RORB: variants seen among roughly 807,000 people sequenced by gnomAD.
RORB encodes RAR related orphan receptor B.
In RORB, 6 loss-of-function variants were observed where a neutral mutation model predicts 59.1. The observed-to-expected ratio is 0.10, with a 90% CI of 0.06 to 0.20. The LOEUF (loss-of-function observed/expected upper bound fraction) is 0.20. Ranked by LOEUF, RORB falls within the 10% of genes least tolerant of loss-of-function variation. The pLI is 1.00. For missense variants in RORB, 320 were observed against 560.5 expected (o/e 0.57, Z 4.33); for synonymous variants, 215 against 204.5 (o/e 1.05, Z -0.44).
chr9:74,624,706 T>C (rs1750411208), intron 1 of RORB, among the ~76,000 whole-genome samples: 1 of 152,074 alleles, frequency 6.6e-6, no homozygotes, highest in Admixed American at 6.6e-5. Flanking sequence ...AGGGAAAGAG[T>C]ACAAACAGAG....
chr9:74,509,044 A>G (rs1825902336), intron 1 of RORB, among the ~76,000 whole-genome samples: 1 of 152,032 alleles, frequency 6.6e-6, no homozygotes, highest in South Asian at 2.1e-4. Flanking sequence ...GGCCCTTAAG[A>G]TAAAACTTGT....
intron 1 of RORB, among the ~76,000 whole-genome samples, chr9:74,518,573 C>A (rs1826041972): frequency 6.6e-6 from 1 of 151,944 alleles, no homozygotes; most frequent in Non-Finnish European, 1.5e-5. Context: ...CCTCTTTGCC[C>A]CGCCACGATC....
rs575891868 is a variant in RORB, at chr9:74,622,253, A to G, written c.8-8029A>G. On this transcript the variant is annotated intron_variant, in intron 1 of 9. Coordinates refer to ENST00000376896, the MANE Select transcript of RORB (RefSeq NM_006914.4). ...GCTAGAGAAAGGGGTTTAGAAAAAA[A>G]ATAAGGAACTAAAGAGAGACGAGTT... is the stretch of plus-strand genomic sequence containing the variant. Among the ~76,000 whole-genome samples the G allele has an allele frequency of 7.2e-5, 11 of 152,296 alleles. No individual in the cohort carries two copies. In the South Asian group the frequency reaches 2.3e-3, roughly 32 times the overall value.
At chr9:74,642,847 T>C (rs1186747235) in intron 4 of RORB, 32 bp downstream of exon 4, 1 of 1,521,448 alleles carries the variant, frequency 6.6e-7, no homozygotes, top group Non-Finnish European at 8.9e-7. Context: ...GTGGCTTTTT[T>C]TGAGATTTTG....
intron 1 of RORB, among the ~76,000 whole-genome samples, chr9:74,608,993 A>T (rs1823191275): frequency 6.6e-6 from 1 of 152,238 alleles, no homozygotes; most frequent in Admixed American, 6.5e-5. Flanking sequence ...TTCACTGCTT[A>T]TTCATCAATT....
chr9:74,655,983 A>C (rs1174749241), intron 4 of RORB, among the ~76,000 whole-genome samples: 1 of 152,244 alleles, frequency 6.6e-6, no homozygotes. Flanking sequence ...AATAAGTCTT[A>C]TTTATAAAAG....
At chr9:74,621,325 G>T (rs976037436) in intron 1 of RORB, among the ~76,000 whole-genome samples, 1 of 151,874 alleles carries the variant, frequency 6.6e-6, no homozygotes, top group Non-Finnish European at 1.5e-5. Context: ...TTGTAGTTTT[G>T]CCCTTTGAAA....
chr9:74,572,238 T>G (rs1470624791), intron 1 of RORB, among the ~76,000 whole-genome samples: 1 of 152,078 alleles, frequency 6.6e-6, no homozygotes, highest in African/African-American at 2.4e-5. Context: ...TATAGACAAT[T>G]TTCACTGGTT....
intron 7 of RORB, among the ~76,000 whole-genome samples, chr9:74,665,823 AC>A (rs1348548512): frequency 6.6e-6 from 1 of 152,158 alleles, no homozygotes; most frequent in East Asian, 1.9e-4. Flanking sequence ...CCTGAGAACA[AC>A]CCTATTGAGA....
intron 1 of RORB, among the ~76,000 whole-genome samples, chr9:74,603,850 G>C (rs1162365079): frequency 6.6e-6 from 1 of 152,196 alleles, no homozygotes. Context: ...ACTAGAAAGT[G>C]ATAATGGGTG....
chr9:74,682,257 G>A (rs1824558881), intron 9 of RORB, among the ~76,000 whole-genome samples: 1 of 133,358 alleles, frequency 7.5e-6, no homozygotes, highest in African/African-American at 2.8e-5. Context: ...CCCTTCCTGT[G>A]TCCATGTGTT....
intron 1 of RORB, among the ~76,000 whole-genome samples, chr9:74,552,367 T>G (rs1826624858): frequency 6.6e-6 from 1 of 152,156 alleles, no homozygotes; most frequent in South Asian, 2.1e-4. Flanking sequence ...AACCTGAGTT[T>G]GAATCCTGGC....
rs1823823555 is a variant in RORB, at chr9:74,642,394, T to C, written c.236-20T>C. On this transcript the variant is annotated intron_variant, in intron 3 of 9. Transcript: ENST00000376896. ...AATGATAACCACAAGTGCTGTTTTC[T>C]GCTTTTCTCTCCAACCCAGCTGTGA... 6.3e-7 allele frequency: 1 copy of C among 1,587,350 alleles called. No homozygotes were observed. The highest frequency in any genetic ancestry group is 1.8e-5 in the Admixed American group (1 of 57,040).
chr9:74,497,822 G>T lies in RORB; in HGVS notation c.-155G>T. ...CGGCGGCGGCGGCAAACGTCACCCT[G>T]CAGCCACGGCGTCCGCCTAAAGGGA... On this transcript the variant is annotated 5_prime_UTR_variant, in exon 1 of 10. Transcript: ENST00000376896. 3.7e-6 allele frequency: 3 copies of T among 804,026 alleles called. No individual in the cohort carries two copies. In the South Asian group the frequency reaches 5.1e-5, roughly 14 times the overall value. 49.8% of individuals were successfully genotyped at this position (804,026 alleles called of 1,614,324 possible). A position where few individuals can be genotyped will look rare whatever the true frequency, so the allele number is the denominator to read the frequency against.
chr9:74,619,105 G>T (rs1823364111), intron 1 of RORB, among the ~76,000 whole-genome samples: 1 of 152,112 alleles, frequency 6.6e-6, no homozygotes, highest in African/African-American at 2.4e-5. Flanking sequence ...CATTAACTAA[G>T]TCTCCAAAAT....
intron 1 of RORB, among the ~76,000 whole-genome samples, chr9:74,626,608 C>T (rs1389789034): frequency 6.6e-6 from 1 of 152,138 alleles, no homozygotes. Flanking sequence ...ATACAAAGGT[C>T]AAACTCTTTC....
At chr9:74,553,936 A>G (rs1826651220) in intron 1 of RORB, among the ~76,000 whole-genome samples, 1 of 152,168 alleles carries the variant, frequency 6.6e-6, no homozygotes. Context: ...GAAATCATCT[A>G]ATTCAACAGT....
At chr9:74,547,197 G>A (rs950637738) in intron 1 of RORB, among the ~76,000 whole-genome samples, 1 of 152,124 alleles carries the variant, frequency 6.6e-6, no homozygotes, top group African/African-American at 2.4e-5. Context: ...AAGAAAATAT[G>A]TATGAGAGAG....
chr9:74,518,969 C>T (rs1321855487), intron 1 of RORB, among the ~76,000 whole-genome samples: 3 of 151,864 alleles, frequency 2.0e-5, no homozygotes, highest in Non-Finnish European at 4.4e-5. Flanking sequence ...TTCATTAGAA[C>T]TATAGTAAGG....
Sources: gnomAD v4.1 joint callset for allele counts (sites outside exome capture counted in the v4.1 genomes callset) on GRCh38, gnomAD v4.1.1 for gene constraint, MANE v1.5 for transcripts, NCBI Gene and HGNC (gene_info 2026-07-23, HGNC 2026-07-21) for gene names.